The following HHAT variants were observed in gnomAD, a reference collection of about 807,000 sequenced individuals.
HHAT encodes hedgehog acyltransferase, also known as protein-cysteine N-palmitoyltransferase HHAT.
HHAT carries 47 observed loss-of-function variants against 70.8 expected under a neutral mutation model. The ratio of observed to expected loss-of-function variants is 0.66; its 90% CI spans 0.53 to 0.85. The LOEUF is 0.85. Ranked by LOEUF, HHAT falls within the 40% of genes least tolerant of loss-of-function variation. The pLI is 0.00. For missense variants in HHAT, 609 were observed against 604.8 expected (o/e 1.01, Z -0.07); for synonymous variants, 228 against 247.6 (o/e 0.92, Z 0.74).
chr1:210,667,103 C>G (rs1051704465), intron 11 of HHAT, among the ~76,000 whole-genome samples: 2 of 149,818 alleles, frequency 1.3e-5, no homozygotes, highest in African/African-American at 2.5e-5. Context: ...GAATTCTGGT[C>G]TGGGCACTGT....
At chr1:210,451,179 C>T (rs2093749707) in intron 7 of HHAT, among the ~76,000 whole-genome samples, 1 of 151,184 alleles carries the variant, frequency 6.6e-6, no homozygotes, top group East Asian at 2.0e-4. Flanking sequence ...CTTGGTTTCT[C>T]TGGTAGGGAG....
chr1:210,462,126 A>C lies in HHAT; in HGVS notation c.857-2379A>C, dbSNP rs558466807. On this transcript the variant is annotated intron_variant, in intron 7 of 11. Coordinates refer to ENST00000261458, the MANE Select transcript of HHAT (RefSeq NM_018194.6). ...TGAATCTGACAACTGTACAAAAATA[A>C]TGTGAAAAATAAAGCAATACTTGAG... Among the ~76,000 whole-genome samples, 9 of 152,372 alleles carry C rather than the reference A, an allele frequency of 5.9e-5. No individual in the cohort carries two copies. The South Asian group carries it at 1.9e-3, about 32-fold the overall frequency.
intron 9 of HHAT, among the ~76,000 whole-genome samples, chr1:210,528,422 G>A (rs893409777): frequency 1.3e-5 from 2 of 152,216 alleles, no homozygotes; most frequent in Non-Finnish European, 2.9e-5. Context: ...GTAAGGCCTT[G>A]AATGCCATTT....
intron 11 of HHAT, among the ~76,000 whole-genome samples, chr1:210,627,006 A>G (rs971502757): frequency 3.3e-5 from 5 of 152,226 alleles, no homozygotes; most frequent in African/African-American, 9.6e-5. Flanking sequence ...AATAGAGTGA[A>G]GCGAGTGAGA....
chr1:210,577,443 G>A (rs1658079386), intron 9 of HHAT, among the ~76,000 whole-genome samples: 1 of 152,004 alleles, frequency 6.6e-6, no homozygotes, highest in Non-Finnish European at 1.5e-5. Context: ...GATAACGAAG[G>A]CTTTTGTCCT....
intron 11 of HHAT, among the ~76,000 whole-genome samples, chr1:210,658,087 C>A (rs757797768): frequency 2.0e-5 from 3 of 152,154 alleles, no homozygotes; most frequent in Admixed American, 6.5e-5. Context: ...ACCATGCATG[C>A]CCTGGTTCTA....
chr1:210,597,007 TAA>T (rs956002404), intron 10 of HHAT, among the ~76,000 whole-genome samples: 20 of 152,238 alleles, frequency 1.3e-4, no homozygotes, highest in African/African-American at 4.8e-4. Flanking sequence ...CATTGTGATC[TAA>T]GTTTTCGGTT....
chr1:210,474,270 T>A (rs2148467750), intron 8 of HHAT, among the ~76,000 whole-genome samples: 1 of 152,264 alleles, frequency 6.6e-6, no homozygotes, highest in Admixed American at 6.5e-5. Context: ...CTATTCCCAC[T>A]CCTTTGAGGA....
chr1:210,478,548 G>C (rs942904026), intron 8 of HHAT, among the ~76,000 whole-genome samples: 3 of 152,194 alleles, frequency 2.0e-5, no homozygotes, highest in African/African-American at 7.2e-5. Context: ...CAGCCTAAGG[G>C]TTCTAGGTCT....
At chr1:210,491,601 T>C (rs2094553027) in intron 8 of HHAT, among the ~76,000 whole-genome samples, 1 of 152,194 alleles carries the variant, frequency 6.6e-6, no homozygotes, top group Non-Finnish European at 1.5e-5. Context: ...AAATGAGTTC[T>C]AACACATACT....
rs1553264041 is a variant in HHAT, at chr1:210,542,496, A to ATATAT, written c.1043+29308_1043+29309insTATAT. On this transcript the variant is annotated intron_variant, in intron 9 of 11. Coordinates refer to ENST00000261458, the MANE Select transcript of HHAT (RefSeq NM_018194.6). ...GCATCAGTGTTTTAGTTAAAAAAAAAATATATATATATATATATTGGTTGG... is the reference window on the plus strand; with the variant it reads ...GCATCAGTGTTTTAGTTAAAAAAAAATATATATATATATATATATATATTGGTTGG... Among the ~76,000 whole-genome samples the ATATAT allele has an allele frequency of 3.6e-3, 539 of 149,492 alleles. 4 individuals carry two copies. Among genetic ancestry groups the ATATAT allele is most frequent in the African/African-American group, 0.011 (467 of 40,656 alleles).
intron 7 of HHAT, among the ~76,000 whole-genome samples, chr1:210,449,727 G>C (rs544747634): frequency 6.6e-6 from 1 of 152,210 alleles, no homozygotes; most frequent in Non-Finnish European, 1.5e-5. Context: ...CGGGCTAGAT[G>C]ATTGTGAGTT....
intron 7 of HHAT, among the ~76,000 whole-genome samples, chr1:210,457,177 CG>C (rs1033116704): frequency 5.7e-4 from 87 of 152,194 alleles, no homozygotes; most frequent in Non-Finnish European, 4.6e-4. Flanking sequence ...TCACCCCCGG[CG>C]GGGAGAGAAA....
At chr1:210,374,331 C>T (rs939802998) in intron 3 of HHAT, 3 of 152,148 alleles carry the variant, frequency 2.0e-5, no homozygotes, top group Admixed American at 2.0e-4. Flanking sequence ...CCGATGGTGC[C>T]TACAGTTCGC....
intron 9 of HHAT, among the ~76,000 whole-genome samples, chr1:210,583,011 T>C (rs1659612853): frequency 6.6e-6 from 1 of 152,212 alleles, no homozygotes; most frequent in African/African-American, 2.4e-5. Context: ...GAGAAATATA[T>C]CAGTGAAAGC....
intron 2 of HHAT, among the ~76,000 whole-genome samples, chr1:210,356,367 G>A (rs964064141): frequency 1.3e-4 from 20 of 151,682 alleles, no homozygotes; most frequent in South Asian, 4.2e-4. Context: ...GTTGATTTGC[G>A]TTTTCATGTC....
At chr1:210,603,980 CACTG>C (rs1205751116) in intron 10 of HHAT, among the ~76,000 whole-genome samples, 6 of 152,308 alleles carry the variant, frequency 3.9e-5, no homozygotes, top group Non-Finnish European at 7.3e-5. Context: ...CTGGAACAGA[CACTG>C]ACTGTCTGCG....
intron 10 of HHAT, among the ~76,000 whole-genome samples, chr1:210,594,964 T>TC (rs1662595398): frequency 9.1e-5 from 1 of 10,936 alleles, no homozygotes; most frequent in Admixed American, 1.9e-3. Flanking sequence ...CTTTTCAGAT[T>TC]CTTTTTTTTA....
chr1:210,364,614 T>G (rs1284632100), intron 3 of HHAT, among the ~76,000 whole-genome samples: 1 of 152,224 alleles, frequency 6.6e-6, no homozygotes, highest in Admixed American at 6.5e-5. Context: ...ACAGATTTCA[T>G]GATCAAGGGC....
Sources: allele counts gnomAD v4.1 joint callset (sites outside exome capture counted in the v4.1 genomes callset), GRCh38; gene constraint gnomAD v4.1.1; transcripts MANE v1.5; gene names NCBI Gene and HGNC (gene_info 2026-07-23, HGNC 2026-07-21).